The following ASTN2 variants were observed in gnomAD, a reference collection of about 807,000 sequenced individuals.
ASTN2 encodes the protein astrotactin 2.
In ASTN2, 54 loss-of-function variants were observed where a neutral mutation model predicts 139.8. The ratio of observed to expected loss-of-function variants is 0.39; its 90% confidence interval spans 0.31 to 0.48. The LOEUF (loss-of-function observed/expected upper bound fraction) is 0.48, where lower values mean the gene tolerates loss of function less well. Ranked by LOEUF, ASTN2 falls within the 20% of genes least tolerant of loss-of-function variation. The pLI is 0.95. For synonymous variants in ASTN2, 756 were observed against 719.5 expected, an observed-to-expected ratio of 1.05 and a Z score of -0.81; for missense variants, 1,565 against 1,725.1, an observed-to-expected ratio of 0.91 and a Z score of 1.64.
intron 10 of ASTN2, among the ~76,000 whole-genome samples, chr9:116,908,010 C>T (rs1588402037): frequency 6.6e-6 from 1 of 152,126 alleles, no homozygotes; most frequent in Non-Finnish European, 1.5e-5. Flanking sequence ...ATGCGGATAG[C>T]CTCACCCCTC....
At chr9:117,299,296 C>G (rs1834816985) in intron 1 of ASTN2, among the ~76,000 whole-genome samples, 2 of 152,304 alleles carry the variant, frequency 1.3e-5, no homozygotes, top group South Asian at 4.2e-4. Flanking sequence ...TTTAAAGATT[C>G]ATTTAGTCAA....
intron 16 of ASTN2, chr9:116,697,427 C>A (rs1007426570): frequency 1.1e-5 from 4 of 353,854 alleles, no homozygotes; most frequent in Non-Finnish European, 2.1e-5. Context: ...TATGGTCATG[C>A]AGCTAAGTAA....
chr9:116,995,974 G>GGT (rs1837001259), intron 7 of ASTN2, among the ~76,000 whole-genome samples: 1 of 152,142 alleles, frequency 6.6e-6, no homozygotes, highest in African/African-American at 2.4e-5. Flanking sequence ...CAAGTGGCTA[G>GGT]GACTACAGGT....
At chr9:117,093,471 C>G (rs1027193353) in intron 5 of ASTN2, among the ~76,000 whole-genome samples, 1 of 152,146 alleles carries the variant, frequency 6.6e-6, no homozygotes, top group African/African-American at 2.4e-5. Context: ...TTTGAACCCA[C>G]GTAACCCACC....
intron 21 of ASTN2, among the ~76,000 whole-genome samples, chr9:116,441,765 A>C (rs1232537541): frequency 6.6e-6 from 1 of 152,196 alleles, no homozygotes; most frequent in Non-Finnish European, 1.5e-5. Context: ...ACCAGGACTT[A>C]TGAGCCACTG....
chr9:116,668,349 G>A (rs1268058367), intron 16 of ASTN2, among the ~76,000 whole-genome samples: 5 of 152,024 alleles, frequency 3.3e-5, no homozygotes, highest in Admixed American at 2.0e-4. Context: ...CCGCCATCAC[G>A]CCCGGCTAAT....
chr9:116,932,141 C>A (rs10739477), intron 10 of ASTN2, among the ~76,000 whole-genome samples: 145,731 of 152,200 alleles, frequency 0.96, 69,951 homozygotes, highest in Non-Finnish European at 0.99. Flanking sequence ...AAAGCAGGGG[C>A]ATGACATGAT....
At chr9:116,893,948 C>T (rs1289779898) in intron 10 of ASTN2, among the ~76,000 whole-genome samples, 1 of 152,176 alleles carries the variant, frequency 6.6e-6, no homozygotes, top group Admixed American at 6.6e-5. Context: ...TGAGCATCCA[C>T]ATTTTTCCCA....
intron 20 of ASTN2, 111 bp downstream of exon 20, chr9:116,487,248 G>T: frequency 7.4e-7 from 1 of 1,348,756 alleles, no homozygotes. Context: ...GCACATACAG[G>T]CTAGCTAATA....
chr9:117,167,909 T>C (rs1427667318), intron 3 of ASTN2, among the ~76,000 whole-genome samples: 3 of 152,108 alleles, frequency 2.0e-5, no homozygotes, highest in African/African-American at 4.8e-5. Context: ...AGAGCAATGT[T>C]TTATAGCCAT....
intron 15 of ASTN2, among the ~76,000 whole-genome samples, chr9:116,726,484 T>C (rs1309769703): frequency 6.6e-6 from 1 of 152,208 alleles, no homozygotes; most frequent in Non-Finnish European, 1.5e-5. Flanking sequence ...GCATGCATTT[T>C]CCACCACACC....
chr9:116,806,203 T>C (rs564143746), intron 12 of ASTN2, among the ~76,000 whole-genome samples: 92 of 152,200 alleles, frequency 6.0e-4, no homozygotes, highest in Non-Finnish European at 1.1e-3. Flanking sequence ...TCAACCAAGG[T>C]TGAAGACTGT....
chr9:117,196,802 A>G (rs1831518823), intron 3 of ASTN2, among the ~76,000 whole-genome samples: 1 of 152,220 alleles, frequency 6.6e-6, no homozygotes, highest in African/African-American at 2.4e-5. Context: ...AATGATAACA[A>G]CGATATAGAT....
chr9:116,912,681 C>T (rs1354095080), intron 10 of ASTN2, among the ~76,000 whole-genome samples: 20 of 152,180 alleles, frequency 1.3e-4, no homozygotes, highest in Non-Finnish European at 1.5e-5. Context: ...GCATCTAATC[C>T]TGTTTATTGC....
intron 13 of ASTN2, among the ~76,000 whole-genome samples, chr9:116,756,477 G>T (rs1437788381): frequency 2.0e-5 from 3 of 152,076 alleles, no homozygotes; most frequent in Non-Finnish European, 4.4e-5. Flanking sequence ...TAATATTAAT[G>T]ATTTCTGTCA....
At chr9:116,442,919 T>C (rs974039451) in intron 20 of ASTN2, among the ~76,000 whole-genome samples, 2 of 152,204 alleles carry the variant, frequency 1.3e-5, no homozygotes, top group African/African-American at 4.8e-5. Context: ...TCCATTTATA[T>C]ATTCATTAAT....
At chr9:117,067,573 A>G (rs1011181511) in intron 5 of ASTN2, among the ~76,000 whole-genome samples, 35 of 144,946 alleles carry the variant, frequency 2.4e-4, no homozygotes, top group Non-Finnish European at 4.7e-4. Context: ...TGGGGATGGC[A>G]TTGAATCTGT....
intron 2 of ASTN2, among the ~76,000 whole-genome samples, chr9:117,282,353 G>T (rs1292521793): frequency 1.3e-5 from 2 of 152,174 alleles, no homozygotes; most frequent in South Asian, 2.1e-4. Flanking sequence ...TGGCCAGGAG[G>T]TTCAGTGGAA....
intron 11 of ASTN2, among the ~76,000 whole-genome samples, chr9:116,832,303 G>C (rs1831836788): frequency 1.3e-5 from 2 of 151,896 alleles, no homozygotes; most frequent in Admixed American, 1.3e-4. Flanking sequence ...AAGTCTTATA[G>C]TCTTATTTCT....
Sources: allele counts gnomAD v4.1 joint callset (sites outside exome capture counted in the v4.1 genomes callset), GRCh38; gene constraint gnomAD v4.1.1; transcripts MANE v1.5; gene names NCBI Gene and HGNC (gene_info 2026-07-23, HGNC 2026-07-21).